The following IFT80 variants were observed in gnomAD, a reference collection of about 807,000 sequenced individuals.
IFT80 encodes intraflagellar transport protein 80 homolog.
Under a neutral mutation model 107.9 loss-of-function variants are expected in IFT80, and 79 were observed. The observed-to-expected ratio is 0.73, with a 90% CI of 0.61 to 0.88. The LOEUF is 0.88. IFT80 is among the 40% of genes least tolerant of loss of function. IFT80 has a pLI of 0.00. For missense variants in IFT80, 797 were observed against 914.2 expected, an observed-to-expected ratio of 0.87 and a Z score of 1.65; for synonymous variants, 299 against 300.9, an observed-to-expected ratio of 0.99 and a Z score of 0.07.
At chr3:160,311,680 A>G (rs1244364378) in intron 9 of IFT80, among the ~76,000 whole-genome samples, 1 of 152,206 alleles carries the variant, frequency 6.6e-6, no homozygotes, top group Non-Finnish European at 1.5e-5. Flanking sequence ...TAAGGAAGAC[A>G]TCTAACCAGA....
At chr3:160,328,964 G>C (rs1327023436) in intron 8 of IFT80, among the ~76,000 whole-genome samples, 2 of 152,048 alleles carry the variant, frequency 1.3e-5, no homozygotes, top group African/African-American at 2.4e-5. Flanking sequence ...ATGGACACAT[G>C]GGGGGACAAT....
rs532376555 is a variant in IFT80, at chr3:160,383,354, C to T, written c.37+1210G>A. On this transcript the variant is annotated intron_variant, in intron 2 of 19. Transcript: ENST00000326448. The stretch of plus-strand genomic sequence containing the variant: ...ATTTTTTTTGAAAAGACAGTAAAAA[C>T]TATTTAAGGGGGAATAAAAATAATT... The T allele has an allele frequency of 9.3e-5, 57 of 609,902 alleles. No homozygotes were observed. In the South Asian group the frequency reaches 3.5e-3, roughly 37 times the overall value. 37.8% of individuals were successfully genotyped at this position (609,902 alleles called of 1,614,324 possible).
At chr3:160,293,110 A>G (rs550897284) in intron 12 of IFT80, among the ~76,000 whole-genome samples, 15 of 152,352 alleles carry the variant, frequency 9.8e-5, no homozygotes, top group Admixed American at 2.6e-4. Flanking sequence ...GGGTTATGCA[A>G]TAAGTAAAAT....
At chr3:160,386,621 C>G (rs910179148) in intron 1 of IFT80, among the ~76,000 whole-genome samples, 1 of 152,242 alleles carries the variant, frequency 6.6e-6, no homozygotes, top group South Asian at 2.1e-4. Context: ...AGAGTCCAAC[C>G]ACTAAAATAC....
intron 8 of IFT80, among the ~76,000 whole-genome samples, chr3:160,338,962 C>G (rs928242568): frequency 5.3e-5 from 8 of 152,080 alleles, no homozygotes; most frequent in Admixed American, 4.6e-4. Flanking sequence ...AAGAGAAAAA[C>G]AAGCAAGTTT....
At chr3:160,268,632 C>T (rs1713545751) in intron 18 of IFT80, 96 bp from the exon 19 acceptor site, 2 of 1,172,832 alleles carry the variant, frequency 1.7e-6, no homozygotes, top group African/African-American at 3.0e-5. Context: ...ATGGCTCTTC[C>T]CTCTGTTTAT....
intron 8 of IFT80, among the ~76,000 whole-genome samples, chr3:160,344,848 A>G (rs962380769): frequency 5.3e-5 from 8 of 152,216 alleles, no homozygotes; most frequent in Admixed American, 2.0e-4. Context: ...AAAGGTGCTC[A>G]ATATCATTGA....
At chr3:160,351,531 AATATATATATACACATATATTATATGTAT>A (rs1326161650) in intron 8 of IFT80, among the ~76,000 whole-genome samples, 2 of 147,092 alleles carry the variant, frequency 1.4e-5, no homozygotes, top group African/African-American at 2.5e-5. Flanking sequence ...GATTTGAACA[AATATATATATACACATATATTATATGTAT>A]ATATATATAC....
intron 5 of IFT80, among the ~76,000 whole-genome samples, chr3:160,375,442 G>C (rs547869959): frequency 1.3e-5 from 2 of 152,228 alleles, no homozygotes; most frequent in African/African-American, 2.4e-5. Context: ...TAAGTAAGGA[G>C]ATACTCAATA....
At chr3:160,348,675 T>C (rs1367973844) in intron 8 of IFT80, among the ~76,000 whole-genome samples, 1 of 152,180 alleles carries the variant, frequency 6.6e-6, no homozygotes, top group Non-Finnish European at 1.5e-5. Context: ...AATAACCAAA[T>C]TTTGATACCA....
At chr3:160,305,543 G>A (rs888320660) in intron 10 of IFT80, among the ~76,000 whole-genome samples, 12 of 151,976 alleles carry the variant, frequency 7.9e-5, no homozygotes, top group African/African-American at 1.4e-4. Flanking sequence ...ATTATGTGAG[G>A]GTTTAATATC....
At position 160,285,864 on chromosome 3, in the gene IFT80, G is replaced by T. The variant is rs746090893; in HGVS notation, c.1320C>A (p.Ile440=). The part of the protein sequence containing the change: ...AIRDKADEKI[I]FLFEASTGKP... ...TTCCGGTTGATGCCTCAAAGAGGAA[G>T]ATTACTTGAAAAAAAGTAGAACATT... The change falls in exon 13 of 20, where the codon ATC becomes ATA. Residue 440 remains isoleucine (I), a synonymous_variant. Transcript: ENST00000326448. 9 of 1,608,592 alleles carry T rather than the reference G, an allele frequency of 5.6e-6. No individual in the cohort carries two copies. Among genetic ancestry groups the T allele is most frequent in the Non-Finnish European group, 6.8e-6 (8 of 1,176,334 alleles).
intron 12 of IFT80, among the ~76,000 whole-genome samples, chr3:160,290,971 G>C (rs765796433): frequency 7.9e-5 from 12 of 152,190 alleles, no homozygotes; most frequent in Non-Finnish European, 1.5e-4. Context: ...GTGAAACAGA[G>C]AGCATGTAAA....
chr3:160,289,420 T>G (rs1161171239), intron 12 of IFT80, among the ~76,000 whole-genome samples: 1 of 152,202 alleles, frequency 6.6e-6, no homozygotes, highest in Non-Finnish European at 1.5e-5. Context: ...TTTACCTATG[T>G]AACAAACCTG....
At chr3:160,335,142 A>T (rs529841377) in intron 8 of IFT80, among the ~76,000 whole-genome samples, 76 of 150,696 alleles carry the variant, frequency 5.0e-4, no homozygotes, top group African/African-American at 1.8e-3. Flanking sequence ...AGCCAAAAAA[A>T]TCCTCTTTTT....
intron 12 of IFT80, among the ~76,000 whole-genome samples, chr3:160,292,951 C>T (rs1161703498): frequency 6.6e-6 from 1 of 152,072 alleles, no homozygotes; most frequent in East Asian, 1.9e-4. Context: ...TTCCTAAGGA[C>T]CTGATAGGAT....
At chr3:160,397,644 T>C (rs1255442356) in intron 1 of IFT80, among the ~76,000 whole-genome samples, 2 of 152,060 alleles carry the variant, frequency 1.3e-5, no homozygotes, top group African/African-American at 4.8e-5. Flanking sequence ...CTTGGGATTC[T>C]GTTTTCTATA....
intron 11 of IFT80, 92 bp downstream of exon 11, chr3:160,303,823 A>T: frequency 1.2e-6 from 1 of 800,116 alleles, no homozygotes; most frequent in Non-Finnish European, 2.2e-6. Context: ...AATGACTAGT[A>T]TACCATTCTT....
At chr3:160,388,057 A>C (rs997352412) in intron 1 of IFT80, among the ~76,000 whole-genome samples, 2 of 152,210 alleles carry the variant, frequency 1.3e-5, no homozygotes, top group Non-Finnish European at 2.9e-5. Flanking sequence ...TTATTTGTGG[A>C]CATTTTAATG....
Sources: gnomAD v4.1 joint callset for allele counts (sites outside exome capture counted in the v4.1 genomes callset) on GRCh38, gnomAD v4.1.1 for gene constraint, MANE v1.5 for transcripts, NCBI Gene and HGNC (gene_info 2026-07-23, HGNC 2026-07-21) for gene names.